CACNB2: variants seen among roughly 807,000 people sequenced by gnomAD.
CACNB2 encodes the protein calcium voltage-gated channel auxiliary subunit beta 2, also known as voltage-dependent L-type calcium channel subunit beta-2.
CACNB2 carries 42 observed loss-of-function variants against 73.3 expected under a neutral mutation model. The observed-to-expected ratio is 0.57, with a 90% CI of 0.45 to 0.74. CACNB2 has a LOEUF of 0.74. CACNB2 is among the 30% of genes least tolerant of loss of function. The pLI is 0.00. For missense variants in CACNB2, 940 were observed against 853.0 expected (o/e 1.10, Z -1.27); for synonymous variants, 348 against 310.3 (o/e 1.12, Z -1.28).
chr10:18,397,462 C>CAAAAAAG (rs1326455819), intron 2 of CACNB2, among the ~76,000 whole-genome samples: 4 of 150,606 alleles, frequency 2.7e-5, no homozygotes, highest in African/African-American at 9.7e-5. Context: ...GAGACTATCT[C>CAAAAAAG]AAAAAAGAAA....
At chr10:18,329,787 T>C (rs1046903676) in intron 2 of CACNB2, among the ~76,000 whole-genome samples, 7 of 150,562 alleles carry the variant, frequency 4.6e-5, no homozygotes, top group Non-Finnish European at 1.0e-4. Flanking sequence ...AAATATTTTA[T>C]GTTTATTTTA....
intron 3 of CACNB2, among the ~76,000 whole-genome samples, chr10:18,449,546 C>T (rs1009701463): frequency 6.6e-5 from 10 of 152,194 alleles, no homozygotes; most frequent in African/African-American, 1.9e-4. Context: ...ATACTTACAT[C>T]GTGCTCTGCA....
At chr10:18,442,823 TAA>T (rs201439887) in intron 3 of CACNB2, among the ~76,000 whole-genome samples, 1 of 130,398 alleles carries the variant, frequency 7.7e-6, no homozygotes, top group Non-Finnish European at 1.6e-5. Context: ...GACTCCACCT[TAA>T]AAAAAAAAAA....
intron 3 of CACNB2, among the ~76,000 whole-genome samples, chr10:18,438,221 G>A (rs1410638245): frequency 2.2e-5 from 3 of 136,956 alleles, no homozygotes; most frequent in African/African-American, 5.5e-5. Context: ...AGTAGAGACG[G>A]GGTTTCACCG....
intron 3 of CACNB2, among the ~76,000 whole-genome samples, chr10:18,407,484 C>A (rs534554119): frequency 2.0e-5 from 3 of 152,092 alleles, no homozygotes; most frequent in Admixed American, 2.0e-4. Context: ...GGGAACTGAT[C>A]TTCCTTTGGT....
chr10:18,475,703 A>C (rs2048406671), intron 3 of CACNB2, among the ~76,000 whole-genome samples: 2 of 152,138 alleles, frequency 1.3e-5, no homozygotes, highest in South Asian at 4.1e-4. Context: ...GATCCTCTGA[A>C]ACTTCGTATA....
intron 3 of CACNB2, among the ~76,000 whole-genome samples, chr10:18,403,747 G>C (rs572424345): frequency 6.6e-6 from 1 of 152,120 alleles, no homozygotes; most frequent in East Asian, 1.9e-4. Context: ...AGTTAGAAAT[G>C]ATGTAGAGGA....
intron 2 of CACNB2, among the ~76,000 whole-genome samples, chr10:18,312,687 A>G (rs1475501801): frequency 6.6e-6 from 1 of 152,180 alleles, no homozygotes; most frequent in Non-Finnish European, 1.5e-5. Flanking sequence ...ACACTGAATT[A>G]GATTTGGCCT....
At chr10:18,456,402 G>A (rs2047282599) in intron 3 of CACNB2, among the ~76,000 whole-genome samples, 1 of 152,120 alleles carries the variant, frequency 6.6e-6, no homozygotes, top group Admixed American at 6.5e-5. Flanking sequence ...GGCGAAGGGT[G>A]CAGTGAGCCA....
intron 2 of CACNB2, among the ~76,000 whole-genome samples, chr10:18,218,216 G>T (rs943180665): frequency 6.6e-6 from 1 of 152,164 alleles, no homozygotes; most frequent in Non-Finnish European, 1.5e-5. Context: ...GTGAGAATTG[G>T]TCTTACTGAA....
At chr10:18,239,832 A>T (rs1048223367) in intron 2 of CACNB2, among the ~76,000 whole-genome samples, 1 of 152,188 alleles carries the variant, frequency 6.6e-6, no homozygotes, top group African/African-American at 2.4e-5. Context: ...AGCTCCAAAG[A>T]TTATAAAGCA....
chr10:18,212,789 A>G (rs943833134), intron 2 of CACNB2, among the ~76,000 whole-genome samples: 12 of 152,250 alleles, frequency 7.9e-5, no homozygotes, highest in African/African-American at 2.9e-4. Flanking sequence ...ATAAATCAGA[A>G]TAAATAAAAA....
At chr10:18,240,914 A>G (rs1265302315) in intron 2 of CACNB2, among the ~76,000 whole-genome samples, 1 of 152,090 alleles carries the variant, frequency 6.6e-6, no homozygotes, top group Non-Finnish European at 1.5e-5. Context: ...ACTCAGAGTA[A>G]TCTTTTCCCA....
At chr10:18,355,885 C>T (rs1441926742) in intron 2 of CACNB2, among the ~76,000 whole-genome samples, 2 of 152,190 alleles carry the variant, frequency 1.3e-5, no homozygotes, top group East Asian at 3.8e-4. Context: ...ATCCACCCGC[C>T]TCTGCCTCCC....
At chr10:18,483,456 G>A (rs111282565) in intron 3 of CACNB2, among the ~76,000 whole-genome samples, 103 of 151,296 alleles carry the variant, frequency 6.8e-4, no homozygotes, top group Non-Finnish European at 1.3e-3. Context: ...GCTTGAACCC[G>A]GGAGGCGGAG....
At position 18,503,193 on chromosome 10, in the gene CACNB2, T is replaced by A. The variant is rs191695346; in HGVS notation, c.593+2245T>A. 1.4e-4 allele frequency among the ~76,000 whole-genome samples: 21 copies of A among 152,354 alleles called. No individual in the cohort carries two copies. The East Asian group carries it at 4.0e-3, about 29-fold the overall frequency. ...ATGAACAGCGCATGTGCATTCTGCC[T>A]GCAGGGTGTTTGAAGACCCGATAGG... is the stretch of plus-strand genomic sequence containing the variant. On this transcript the variant is annotated intron_variant, in intron 5 of 13. Coordinates refer to ENST00000324631, the MANE Select transcript of CACNB2 (RefSeq NM_201596.3).
At chr10:18,529,315 C>T (rs1454623493) in intron 10 of CACNB2, among the ~76,000 whole-genome samples, 1 of 152,096 alleles carries the variant, frequency 6.6e-6, no homozygotes, top group Non-Finnish European at 1.5e-5. Flanking sequence ...ATTGAGCATA[C>T]ACTAGATACC....
At chr10:18,284,091 T>C (rs1399151253) in intron 2 of CACNB2, among the ~76,000 whole-genome samples, 1 of 151,950 alleles carries the variant, frequency 6.6e-6, no homozygotes, top group Non-Finnish European at 1.5e-5. Context: ...AAATAATAAA[T>C]AATAAAGGAA....
At chr10:18,391,271 C>T (rs148905377) in intron 2 of CACNB2, among the ~76,000 whole-genome samples, 30 of 152,162 alleles carry the variant, frequency 2.0e-4, no homozygotes, top group African/African-American at 6.5e-4. Flanking sequence ...ATTTATCATC[C>T]GTTCATCATG....
Sources: allele counts gnomAD v4.1 joint callset (sites outside exome capture counted in the v4.1 genomes callset), GRCh38; gene constraint gnomAD v4.1.1; transcripts MANE v1.5; gene names NCBI Gene and HGNC (gene_info 2026-07-23, HGNC 2026-07-21).